Variants in COX17 observed in about 807,000 individuals in gnomAD.
The protein encoded by COX17 is cytochrome c oxidase copper chaperone COX17.
Under a neutral mutation model 6.3 loss-of-function variants are expected in COX17, and 1 was observed. The ratio of observed to expected loss-of-function variants is 0.16; its 90% confidence interval spans 0.06 to 0.75. COX17 has a LOEUF of 0.75. Ranked by LOEUF, COX17 falls within the 30% of genes least tolerant of loss-of-function variation. The pLI is 0.77. For missense variants in COX17, 73 were observed against 81.2 expected (o/e 0.90, Z 0.39); for synonymous variants, 26 against 30.5 (o/e 0.85, Z 0.49).
chr3:119,673,200 G>A (rs1474882846), intron 2 of COX17, among the ~76,000 whole-genome samples: 1 of 152,140 alleles, frequency 6.6e-6, no homozygotes, highest in Non-Finnish European at 1.5e-5. Flanking sequence ...AACCCACCTT[G>A]GGGGCCATTT....
intron 1 of COX17, 75 bp downstream of exon 1, chr3:119,677,129 T>C: frequency 2.7e-6 from 3 of 1,095,982 alleles, no homozygotes; most frequent in Middle Eastern, 3.0e-4. Context: ...GCAGAGGCCG[T>C]AGGGCAGAGG....
At chr3:119,677,032 G>T (rs1240658965) in intron 1 of COX17, 172 bp downstream of exon 1, 5 of 548,622 alleles carry the variant, frequency 9.1e-6, no homozygotes, top group East Asian at 3.5e-5. Context: ...GCGGGGGGGG[G>T]GGGCAGACAG....
chr3:119,671,730 T>G (rs2053046059), intron 2 of COX17, among the ~76,000 whole-genome samples: 1 of 152,204 alleles, frequency 6.6e-6, no homozygotes, highest in South Asian at 2.1e-4. Context: ...TAAAATCTCA[T>G]TAAGTACAAG....
intron 3 of COX17, among the ~76,000 whole-genome samples, chr3:119,664,460 GAAGA>G (rs60759999): frequency 0.28 from 42,608 of 152,010 alleles, 7,301 homozygotes; most frequent in Non-Finnish European, 0.38. Flanking sequence ...GGCATTCCAG[GAAGA>G]AAGAACAGAT....
intron 2 of COX17, among the ~76,000 whole-genome samples, chr3:119,673,598 A>T (rs759842413): frequency 5.9e-5 from 9 of 152,212 alleles, no homozygotes; most frequent in Non-Finnish European, 1.2e-4. Flanking sequence ...TTAGGACAGC[A>T]CCATGATAGA....
At chr3:119,672,936 C>A (rs998819493) in intron 2 of COX17, among the ~76,000 whole-genome samples, 2 of 152,202 alleles carry the variant, frequency 1.3e-5, no homozygotes, top group Admixed American at 6.5e-5. Context: ...TATCAGCTTG[C>A]GACAAGTTCC....
At chr3:119,671,998 T>C (rs1200722811) in intron 2 of COX17, among the ~76,000 whole-genome samples, 1 of 152,212 alleles carries the variant, frequency 6.6e-6, no homozygotes, top group Admixed American at 6.5e-5. Context: ...GGATTCAGAT[T>C]GTTCTTCTTG....
At chr3:119,671,757 G>T (rs1293953262) in intron 2 of COX17, among the ~76,000 whole-genome samples, 1 of 152,184 alleles carries the variant, frequency 6.6e-6, no homozygotes, top group Non-Finnish European at 1.5e-5. Context: ...AGTGTAAAGT[G>T]CCTGTGATTT....
chr3:119,675,890 C>T (rs75071261), intron 1 of COX17, among the ~76,000 whole-genome samples: 2,800 of 152,236 alleles, frequency 0.018, 80 homozygotes, highest in African/African-American at 0.06. Context: ...CTGAGGCAAT[C>T]GAGGCAAAGG....
chr3:119,677,187 T>C lies in COX17; in HGVS notation c.107+17A>G. The C allele has an allele frequency of 6.3e-7, 1 of 1,599,718 alleles. No individual in the cohort carries two copies. The highest frequency in any genetic ancestry group is 8.5e-7 in the Non-Finnish European group (1 of 1,173,318). The stretch of plus-strand genomic sequence containing the variant: ...CCCGGGGCTCGTCGGCCGCGCCCTC[T>C]CCGGCTGCGCACTGACCACGCATCG... On this transcript the variant is annotated intron_variant, in intron 1 of 2. Transcript: ENST00000261070.
chr3:119,667,793 T>C (rs1459383150), downstream of COX17, among the ~76,000 whole-genome samples: 1 of 151,884 alleles, frequency 6.6e-6, no homozygotes, highest in Non-Finnish European at 1.5e-5. Flanking sequence ...TGATGGGATT[T>C]CAGATTTCTT....
chr3:119,671,046 T>A (rs149927887), intron 2 of COX17, among the ~76,000 whole-genome samples: 1 of 152,172 alleles, frequency 6.6e-6, no homozygotes, highest in Non-Finnish European at 1.5e-5. Flanking sequence ...TTGTCTAAAA[T>A]CACCACCATA....
intron 2 of COX17, chr3:119,674,460 T>C (rs2107835181): frequency 6.6e-6 from 1 of 152,354 alleles, no homozygotes; most frequent in East Asian, 1.9e-4. Flanking sequence ...TTTTCATTTT[T>C]CAGAAAGCAA....
At chr3:119,674,740 G>A (rs1453775730) in intron 2 of COX17, 1 of 159,844 alleles carries the variant, frequency 6.3e-6, no homozygotes, top group Admixed American at 6.2e-5. Flanking sequence ...AGGCTGCAAT[G>A]AGCTGTGATT....
At chr3:119,672,897 A>G (rs998526611) in intron 2 of COX17, among the ~76,000 whole-genome samples, 1 of 152,242 alleles carries the variant, frequency 6.6e-6, no homozygotes, top group Non-Finnish European at 1.5e-5. Context: ...CTTTCAGCCT[A>G]GACTGTTTTC....
intron 2 of COX17, among the ~76,000 whole-genome samples, chr3:119,673,736 A>G (rs921571853): frequency 6.6e-6 from 1 of 152,234 alleles, no homozygotes; most frequent in Non-Finnish European, 1.5e-5. Context: ...TAACTGAAGA[A>G]AGAGCTTCCA....
rs72963142 is a variant in COX17, at chr3:119,675,534, A to G, written c.108-301T>C. The stretch of plus-strand genomic sequence containing the variant: ...CACTGCTCTATAAAGAAATAAACTG[A>G]GTAAAATATTTATGCTAAATGAAGG... On this transcript the variant is annotated intron_variant, in intron 1 of 2. Coordinates refer to ENST00000261070, the MANE Select transcript of COX17 (RefSeq NM_005694.2). 2.1e-3 allele frequency: 494 copies of G among 240,182 alleles called. 3 individuals are homozygous for G. The highest frequency in any genetic ancestry group is 0.01 in the African/African-American group (461 of 45,172). 14.9% of individuals were successfully genotyped at this position (240,182 alleles called of 1,614,324 possible).
chr3:119,668,525 G>A (rs1341042792), downstream of COX17, among the ~76,000 whole-genome samples: 1 of 150,054 alleles, frequency 6.7e-6, no homozygotes. Flanking sequence ...AATCTCGTAA[G>A]TTAGGTATTA....
chr3:119,674,204 C>T (rs1055140247), intron 2 of COX17, among the ~76,000 whole-genome samples: 15 of 151,204 alleles, frequency 9.9e-5, no homozygotes, highest in Middle Eastern at 7.1e-3. Context: ...TGAGGAGTGC[C>T]TCGGCCCGGC....
Sources: gnomAD v4.1 joint callset for allele counts (sites outside exome capture counted in the v4.1 genomes callset) on GRCh38, gnomAD v4.1.1 for gene constraint, MANE v1.5 for transcripts, NCBI Gene and HGNC (gene_info 2026-07-23, HGNC 2026-07-21) for gene names.